KHDRBS2: variants seen among roughly 807,000 people sequenced by gnomAD.
The protein encoded by KHDRBS2 is KH RNA binding domain containing, signal transduction associated 2, also known as KH domain-containing, RNA-binding, signal transduction-associated protein 2.
Under a neutral mutation model 44.3 loss-of-function variants are expected in KHDRBS2, and 26 were observed. The ratio of observed to expected loss-of-function variants is 0.59; its 90% CI spans 0.43 to 0.81. KHDRBS2 has a LOEUF of 0.81. Ranked by LOEUF, KHDRBS2 falls within the 40% of genes least tolerant of loss-of-function variation. The pLI is 0.00. For missense variants in KHDRBS2, 476 were observed against 433.1 expected, an observed-to-expected ratio of 1.10 and a Z score of -0.88; for synonymous variants, 194 against 151.1, an observed-to-expected ratio of 1.28 and a Z score of -2.08.
chr6:61,713,241 T>A (rs1770827424), intron 7 of KHDRBS2, among the ~76,000 whole-genome samples: 1 of 151,686 alleles, frequency 6.6e-6, no homozygotes, highest in Non-Finnish European at 1.5e-5. Flanking sequence ...TTGTTAACCA[T>A]TCTGTTTCTA....
chr6:61,646,607 G>A, the KHDRBS2 span, among the ~76,000 whole-genome samples: 2 of 152,040 alleles, frequency 1.3e-5, no homozygotes, highest in Non-Finnish European at 1.5e-5. Context: ...ATAAAGTTGT[G>A]AAGAACATAG....
intron 6 of KHDRBS2, among the ~76,000 whole-genome samples, chr6:61,776,345 T>A (rs570929772): frequency 6.6e-6 from 1 of 151,838 alleles, no homozygotes; most frequent in Non-Finnish European, 1.5e-5. Context: ...ACCATCAGAG[T>A]GAACAGGCAA....
At chr6:61,706,214 C>A (rs1207019836) in intron 7 of KHDRBS2, among the ~76,000 whole-genome samples, 1 of 151,778 alleles carries the variant, frequency 6.6e-6, no homozygotes, top group Admixed American at 6.6e-5. Flanking sequence ...ACTTCGGGAC[C>A]CTCATGCGAT....
chr6:61,958,310 A>T (rs1767883099), intron 4 of KHDRBS2, among the ~76,000 whole-genome samples: 1 of 152,108 alleles, frequency 6.6e-6, no homozygotes, highest in Non-Finnish European at 1.5e-5. Context: ...TGTCAGGGTC[A>T]AGAAGAAGAG....
chr6:62,229,906 G>A (rs903601631), intron 1 of KHDRBS2, among the ~76,000 whole-genome samples: 3 of 152,152 alleles, frequency 2.0e-5, no homozygotes, highest in Non-Finnish European at 4.4e-5. Flanking sequence ...TCTTTTTGAT[G>A]GGAGCCTCCA....
At chr6:61,591,086 A>T in the KHDRBS2 span, among the ~76,000 whole-genome samples, 1 of 152,194 alleles carries the variant, frequency 6.6e-6, no homozygotes, top group East Asian at 1.9e-4. Flanking sequence ...TTGCAGGATG[A>T]GAATGAAATC....
At chr6:61,984,532 A>G (rs1774648053) in intron 3 of KHDRBS2, among the ~76,000 whole-genome samples, 1 of 151,940 alleles carries the variant, frequency 6.6e-6, no homozygotes, top group Non-Finnish European at 1.5e-5. Flanking sequence ...AGCTACCACA[A>G]CCCCTGACTC....
the KHDRBS2 span, among the ~76,000 whole-genome samples, chr6:61,592,188 C>CAAAAAAAAA: frequency 8.2e-6 from 1 of 122,276 alleles, no homozygotes; most frequent in Non-Finnish European, 1.7e-5. Flanking sequence ...AAGATCCCAC[C>CAAAAAAAAA]AAAAAAAAAA....
At chr6:61,794,391 T>C (rs1240067702) in intron 6 of KHDRBS2, among the ~76,000 whole-genome samples, 2 of 152,184 alleles carry the variant, frequency 1.3e-5, no homozygotes, top group Non-Finnish European at 2.9e-5. Context: ...AACTTTATTA[T>C]TATCAAATAA....
chr6:61,666,469 T>C, the KHDRBS2 span, among the ~76,000 whole-genome samples: 2 of 151,436 alleles, frequency 1.3e-5, no homozygotes, highest in East Asian at 3.9e-4. Flanking sequence ...TATATATATT[T>C]GTTTCACAAT....
chr6:61,782,531 CT>C (rs2127581889), intron 6 of KHDRBS2, among the ~76,000 whole-genome samples: 1 of 151,706 alleles, frequency 6.6e-6, no homozygotes, highest in East Asian at 1.9e-4. Context: ...AATTAAAGTA[CT>C]TTCTTCTATT....
chr6:62,262,974 T>G (rs1419348970), intron 1 of KHDRBS2, among the ~76,000 whole-genome samples: 7 of 151,764 alleles, frequency 4.6e-5, no homozygotes, highest in Admixed American at 3.3e-4. Context: ...TGACATTCAA[T>G]CATGCCTTAC....
chr6:62,028,376 G>A (rs2127289152), intron 3 of KHDRBS2, among the ~76,000 whole-genome samples: 1 of 152,160 alleles, frequency 6.6e-6, no homozygotes, highest in Non-Finnish European at 1.5e-5. Flanking sequence ...TTTGTTCAGT[G>A]TGTTTTGATG....
At chr6:62,219,917 G>A (rs1332647558) in intron 1 of KHDRBS2, among the ~76,000 whole-genome samples, 1 of 146,374 alleles carries the variant, frequency 6.8e-6, no homozygotes, top group Non-Finnish European at 1.5e-5. Flanking sequence ...ATCTATACTT[G>A]AAATTATATA....
At chr6:61,601,122 T>C in the KHDRBS2 span, among the ~76,000 whole-genome samples, 2 of 152,148 alleles carry the variant, frequency 1.3e-5, no homozygotes, top group Non-Finnish European at 2.9e-5. Flanking sequence ...ATGCCTGCTT[T>C]GGCTGCTCAC....
At chr6:62,131,337 A>G (rs912060286) in intron 2 of KHDRBS2, among the ~76,000 whole-genome samples, 4 of 152,184 alleles carry the variant, frequency 2.6e-5, no homozygotes, top group African/African-American at 7.2e-5. Flanking sequence ...TTTTATTAGC[A>G]AGGATCTCAA....
intron 6 of KHDRBS2, among the ~76,000 whole-genome samples, chr6:61,754,206 G>A (rs781652034): frequency 1.4e-4 from 22 of 152,074 alleles, no homozygotes; most frequent in Non-Finnish European, 2.9e-4. Flanking sequence ...TGGAGTTCTC[G>A]GCAAGCTGAG....
At chr6:61,545,931 C>A in the KHDRBS2 span, among the ~76,000 whole-genome samples, 1 of 152,052 alleles carries the variant, frequency 6.6e-6, no homozygotes, top group Non-Finnish European at 1.5e-5. Context: ...ACCAGAAAGA[C>A]GCATCGCTAT....
Position 62,100,947 on chromosome 6 carries a change from A to C in KHDRBS2, c.220-52953T>G, listed in dbSNP as rs147333602. ...TATAGATTTTTACAAAAAATAGCAA[A>C]TTGATGAGAATAAACATTCAACACT... On this transcript the variant is annotated intron_variant, in intron 2 of 8. Transcript: ENST00000281156. Among the ~76,000 whole-genome samples the C allele has an allele frequency of 5.6e-3, 860 of 152,294 alleles. 17 individuals carry two copies. The highest frequency in any genetic ancestry group is 0.04 in the East Asian group (209 of 5,172).
Sources: allele counts gnomAD v4.1 joint callset (sites outside exome capture counted in the v4.1 genomes callset), GRCh38; gene constraint gnomAD v4.1.1; transcripts MANE v1.5; gene names NCBI Gene and HGNC (gene_info 2026-07-23, HGNC 2026-07-21).